The following FDPS variants were observed in gnomAD, a reference collection of about 807,000 sequenced individuals.
FDPS encodes farnesyl pyrophosphate synthase.
FDPS carries 29 observed loss-of-function variants against 49.5 expected under a neutral mutation model. The observed-to-expected ratio is 0.59, with a 90% CI of 0.44 to 0.80. The LOEUF (loss-of-function observed/expected upper bound fraction) is 0.80. Ranked by LOEUF, FDPS falls within the 30% of genes least tolerant of loss-of-function variation. The probability of loss-of-function intolerance (pLI) is 0.00; values close to 1 mark genes in which losing one functional copy is unlikely to be tolerated. For missense variants in FDPS, 414 were observed against 525.6 expected (o/e 0.79, Z 2.08); for synonymous variants, 172 against 206.4 (o/e 0.83, Z 1.43).
chr1:155,314,520 G>C (rs1025480327), intron 4 of FDPS, among the ~76,000 whole-genome samples: 7 of 151,924 alleles, frequency 4.6e-5, no homozygotes, highest in Non-Finnish European at 1.5e-5. Flanking sequence ...TGTTGCCCAG[G>C]CTTGAGTGTA....
rs138755320 is a variant in FDPS, at chr1:155,311,463, C to G, written c.340-792C>G. 2.8e-3 allele frequency among the ~76,000 whole-genome samples: 424 copies of G among 152,250 alleles called. 4 individuals carry two copies. The highest frequency in any genetic ancestry group is 9.8e-3 in the African/African-American group (406 of 41,550). ...GGGTCCCCTGTAAGCTGTCTTCTGG[C>G]TGACTTTGGAGAGGCTTTGTTTTAA... is the stretch of plus-strand genomic sequence containing the variant. On this transcript the variant is annotated intron_variant, in intron 3 of 10. Transcript: ENST00000368356.
intron 4 of FDPS, among the ~76,000 whole-genome samples, chr1:155,315,966 G>C (rs918251424): frequency 6.6e-6 from 1 of 151,932 alleles, no homozygotes; most frequent in Non-Finnish European, 1.5e-5. Flanking sequence ...TTAAAACCTG[G>C]GTATAGGGCC....
chr1:155,310,102 A>C lies in FDPS; in HGVS notation c.236A>C (p.Glu79Ala). The C allele has an allele frequency of 1.2e-6, 2 of 1,614,058 alleles. No homozygotes were observed. The highest frequency in any genetic ancestry group is 1.7e-6 in the Non-Finnish European group (2 of 1,179,958). ...CAGAATTCAGATGTTTATGCCCAAG[A>C]AAAGCAGGATTTCGTTCAGCACTTC... is the stretch of plus-strand genomic sequence containing the variant. ...GDQNSDVYAQ[E>A]KQDFVQHFSQ... Residue 79 changes from glutamate (E) to alanine (A), a missense_variant, in exon 3 of 11, where the codon GAA (glutamate) becomes GCA (alanine). Coordinates refer to ENST00000368356, the MANE Select transcript of FDPS (RefSeq NM_002004.4).
chr1:155,311,256 T>C (rs1331413510), intron 3 of FDPS, among the ~76,000 whole-genome samples: 1 of 152,120 alleles, frequency 6.6e-6, no homozygotes, highest in Non-Finnish European at 1.5e-5. Flanking sequence ...GGAGAATCAC[T>C]TGAACCTGGG....
rs1485215475 is a variant in FDPS at position 155,320,473 on chromosome 1, A to G, written c.1124A>G (p.Asp375Gly). The change falls in exon 11 of 11, where the codon GAT becomes GGT. Residue 375 changes from aspartate (D) to glycine (G), a missense_variant. Physicochemically the swap from Asp to Gly is moderately conservative, Grantham distance 94. Transcript: ENST00000368356. ...ARVKALYEEL[D>G]LPAVFLQYEE... is the part of the protein sequence containing the mutation. ...GTGAAGGCGCTATATGAGGAGCTGG[A>G]TCTGCCAGCAGTGTTCTTGCAATAT... 6.2e-7 allele frequency: 1 copy of G among 1,613,928 alleles called. No individual in the cohort carries two copies.
Position 155,318,567 on chromosome 1 carries a change from G to A in FDPS, c.685-98G>A, listed in dbSNP as rs1445278517. 3.0e-6 allele frequency: 3 copies of A among 1,000,370 alleles called. No homozygotes were observed. Among genetic ancestry groups the A allele is most frequent in the Non-Finnish European group, 4.7e-6 (3 of 636,214 alleles). The allele number at this position is 1,000,370 out of a possible 1,614,324, so 62.0% of individuals were successfully genotyped here. A position where few individuals can be genotyped will look rare whatever the true frequency, so the allele number is the denominator to read the frequency against. On this transcript the variant is annotated intron_variant, in intron 6 of 10. Transcript: ENST00000368356. This position sits in a 1 kb window ranked among gnomAD's most constrained non-coding sequence, Gnocchi z 4.2. The stretch of plus-strand genomic sequence containing the variant: ...CCCCTTCTGTTGCCTTTCTGATTCT[G>A]CCCAGTTGTCAGCTGGTATGGGATG...
chr1:155,315,835 C>G (rs1327885434), intron 4 of FDPS, among the ~76,000 whole-genome samples: 1 of 150,680 alleles, frequency 6.6e-6, no homozygotes, highest in Non-Finnish European at 1.5e-5. Flanking sequence ...CTATTGCACT[C>G]CAGCCTGGGC....
In FDPS at chr1:155,320,545, C is replaced by T. The variant is rs973214528; in HGVS notation, c.1196C>T (p.Ala399Val). Residue 399 changes from alanine (A) to valine (V), a missense_variant, in exon 11 of 11, where the codon GCA becomes GTA. Physicochemically the swap from Ala to Val is moderately conservative, Grantham distance 64. Coordinates refer to ENST00000368356, the MANE Select transcript of FDPS (RefSeq NM_002004.4). The part of the protein sequence containing the change: ...SHIMALIEQY[A>V]APLPPAVFLG... ...ATTATGGCTCTCATTGAACAGTACG[C>T]AGCACCCCTGCCCCCAGCCGTCTTT... 3.7e-6 allele frequency: 6 copies of T among 1,614,184 alleles called. No homozygotes were observed. The highest frequency in any genetic ancestry group is 5.1e-6 in the Non-Finnish European group (6 of 1,180,032).
At chr1:155,320,217 G>C in intron 10 of FDPS, 192 bp from the exon 11 acceptor site, 1 of 652,258 alleles carries the variant, frequency 1.5e-6, no homozygotes, top group East Asian at 2.7e-5. Flanking sequence ...AGGATGCCTG[G>C]TATGAGGCAA....
At chr1:155,310,307 A>G in intron 3 of FDPS, 102 bp downstream of exon 3, 1 of 992,352 alleles carries the variant, frequency 1.0e-6, no homozygotes, top group Non-Finnish European at 1.5e-6. Flanking sequence ...CAGATGTGAG[A>G]GAAAGCTTTT....
chr1:155,314,300 C>T (rs930675517), intron 4 of FDPS, among the ~76,000 whole-genome samples: 3 of 151,840 alleles, frequency 2.0e-5, no homozygotes, highest in East Asian at 1.9e-4. Flanking sequence ...ACCCTTCCAC[C>T]GCCTCAGCCT....
intron 4 of FDPS, among the ~76,000 whole-genome samples, chr1:155,314,212 G>C (rs566286710): frequency 6.7e-6 from 1 of 149,778 alleles, no homozygotes; most frequent in South Asian, 2.1e-4. Flanking sequence ...TTGATACAGG[G>C]TCTTACTCTG....
At chr1:155,316,351 G>T (rs547378037) in intron 4 of FDPS, among the ~76,000 whole-genome samples, 1 of 149,334 alleles carries the variant, frequency 6.7e-6, no homozygotes, top group Admixed American at 6.7e-5. Context: ...GGGTGCGCTG[G>T]TGTGTGCCTA....
At position 155,318,577 on chromosome 1, in the gene FDPS, C is replaced by T; in HGVS notation, c.685-88C>T. On this transcript the variant is annotated intron_variant, in intron 6 of 10. Transcript: ENST00000368356. The surrounding 1 kb of genome is among the most constrained non-coding windows in gnomAD (Gnocchi z 4.2). ...TGCCTTTCTGATTCTGCCCAGTTGT[C>T]AGCTGGTATGGGATGTTGGGCTTGG... is the stretch of plus-strand genomic sequence containing the variant. 3 of 1,075,720 alleles carry T rather than the reference C, an allele frequency of 2.8e-6. No individual in the cohort carries two copies. The highest frequency in any genetic ancestry group is 1.3e-5 in the South Asian group (1 of 77,014). The allele number at this position is 1,075,720 out of a possible 1,614,324, so 66.6% of individuals were successfully genotyped here.
intron 3 of FDPS, 121 bp from the exon 4 acceptor site, chr1:155,312,131 AGAG>A (rs1205790871): frequency 9.6e-5 from 104 of 1,086,338 alleles, no homozygotes; most frequent in Non-Finnish European, 1.3e-4. Context: ...GGCTCCTTGA[AGAG>A]GAGTTGGGGT....
intron 4 of FDPS, chr1:155,317,055 C>A (rs1448901824): frequency 2.0e-5 from 3 of 152,080 alleles, no homozygotes; most frequent in Non-Finnish European, 4.4e-5. Context: ...GAAGAGTAAG[C>A]CCTTAGTTAA....
Position 155,320,605 on chromosome 1 carries a change from A to G in FDPS, c.1256A>G (p.Lys419Arg), listed in dbSNP as rs1650281099. The G allele has an allele frequency of 6.2e-7, 1 of 1,614,200 alleles. No individual in the cohort carries two copies. The highest frequency in any genetic ancestry group is 1.3e-5 in the African/African-American group (1 of 75,056). The stretch of plus-strand genomic sequence containing the variant: ...GCGCGCAAAATCTACAAGCGGAGAA[A>G]GTGACCTAGAGATTGCAAGGGCGGG... ...GLARKIYKRR[K>R] Residue 419 changes from lysine (K) to arginine (R), a missense_variant, in exon 11 of 11, where the codon AAG becomes AGG. Lys to Arg is a conservative substitution (Grantham distance 26, BLOSUM62 2). Transcript: ENST00000368356.
chr1:155,311,744 G>A (rs1048502451), intron 3 of FDPS, among the ~76,000 whole-genome samples: 2 of 152,104 alleles, frequency 1.3e-5, no homozygotes, highest in Non-Finnish European at 2.9e-5. Flanking sequence ...AGGCCAAGGC[G>A]GGTGGATGAC....
At position 155,318,355 on chromosome 1, in the gene FDPS, A is replaced by G; in HGVS notation, c.684+64A>G. The G allele has an allele frequency of 1.3e-6, 2 of 1,587,870 alleles. No individual in the cohort carries two copies. Among genetic ancestry groups the G allele is most frequent in the South Asian group, 1.1e-5 (1 of 90,306 alleles). On this transcript the variant is annotated intron_variant, in intron 6 of 10. Coordinates refer to ENST00000368356, the MANE Select transcript of FDPS (RefSeq NM_002004.4). The surrounding 1 kb of genome is among the most constrained non-coding windows in gnomAD (Gnocchi z 4.2). ...ATGGTAGCCTTGGCCTCTATAGGAC[A>G]TGCTCATCTAGCTGGTTTCAGGGTA...
Sources: gnomAD v4.1 joint callset for allele counts (sites outside exome capture counted in the v4.1 genomes callset) on GRCh38, gnomAD v4.1.1 for gene constraint, Gnocchi (gnomAD v3.1) non-coding constraint, MANE v1.5 for transcripts, NCBI Gene and HGNC (gene_info 2026-07-23, HGNC 2026-07-21) for gene names.